AKAP13: variants seen among roughly 807,000 people sequenced by gnomAD.
The protein encoded by AKAP13 is A-kinase anchor protein 13.
AKAP13 carries 80 observed loss-of-function variants against 264.5 expected under a neutral mutation model. The observed-to-expected ratio is 0.30, with a 90% CI of 0.25 to 0.36. AKAP13 has a LOEUF of 0.36. Among genes scored for constraint, AKAP13 ranks in the 10% least tolerant of loss-of-function variants. The pLI, the probability that AKAP13 is intolerant of heterozygous loss-of-function variation, is 1.00. For synonymous variants in AKAP13, 1,380 were observed against 1,250.2 expected (o/e 1.10, Z -2.19); for missense variants, 3,712 against 3,435.2 (o/e 1.08, Z -2.01).
intron 33 of AKAP13, among the ~76,000 whole-genome samples, chr15:85,738,230 T>G (rs1296017375): frequency 6.6e-6 from 1 of 151,722 alleles, no homozygotes; most frequent in Non-Finnish European, 1.5e-5. Flanking sequence ...AAACCCTGTC[T>G]CTACTAAAAA....
chr15:85,425,124 A>G (rs761623769), intron 1 of AKAP13, among the ~76,000 whole-genome samples: 1 of 152,220 alleles, frequency 6.6e-6, no homozygotes, highest in African/African-American at 2.4e-5. Context: ...AGTGAGCCAC[A>G]TGTGTTTTGG....
chr15:85,588,516 T>G (rs1295962034), intron 8 of AKAP13, among the ~76,000 whole-genome samples: 1 of 152,220 alleles, frequency 6.6e-6, no homozygotes, highest in Non-Finnish European at 1.5e-5. Context: ...AGTCATTGAA[T>G]CCAGGCTGGT....
intron 8 of AKAP13, among the ~76,000 whole-genome samples, chr15:85,609,276 C>A (rs1288061329): frequency 1.3e-5 from 2 of 152,214 alleles, no homozygotes; most frequent in Non-Finnish European, 2.9e-5. Flanking sequence ...TTCTCCCCAT[C>A]CTTGTCCCAG....
chr15:85,701,524 C>T (rs980784323), intron 17 of AKAP13, among the ~76,000 whole-genome samples: 6 of 151,860 alleles, frequency 4.0e-5, no homozygotes, highest in Non-Finnish European at 8.8e-5. Context: ...ACTGCAACCT[C>T]CTCCTCCCAG....
intron 8 of AKAP13, among the ~76,000 whole-genome samples, chr15:85,613,207 G>C (rs1022522110): frequency 6.6e-6 from 1 of 152,198 alleles, no homozygotes; most frequent in Admixed American, 6.5e-5. Context: ...CATGAGTAGT[G>C]TCTCATTTCC....
chr15:85,727,426 AAAG>A lies in AKAP13; in HGVS notation c.7053_7055del (p.Lys2352del). 6.2e-7 allele frequency: 1 copy of A among 1,614,246 alleles called. No homozygotes were observed. The highest frequency in any genetic ancestry group is 8.5e-7 in the Non-Finnish European group (1 of 1,180,036). On this transcript the variant is annotated inframe_deletion, in exon 29 of 37. Coordinates refer to ENST00000394518, the MANE Select transcript of AKAP13 (RefSeq NM_007200.5). The surrounding 1 kb of genome is among the most constrained non-coding windows in gnomAD (Gnocchi z 5.3). ...GAATTCCTAGTGAGAATGAGGAAGA[AAAG>A]AAAATGTTGGACACCAGAGCCCGAG...
chr15:85,494,406 A>C (rs1422699788), intron 2 of AKAP13, among the ~76,000 whole-genome samples: 2 of 152,186 alleles, frequency 1.3e-5, no homozygotes, highest in Non-Finnish European at 2.9e-5. Flanking sequence ...GCCAGGCCTG[A>C]AGCTCTGCAA....
intron 1 of AKAP13, among the ~76,000 whole-genome samples, chr15:85,386,182 GTGTTTTTT>G (rs957124688): frequency 5.8e-4 from 89 of 152,160 alleles, no homozygotes; most frequent in African/African-American, 1.7e-3. Context: ...ATGATATCCA[GTGTTTTTT>G]TGTTTTTTTG....
chr15:85,712,356 C>T (rs974501545), intron 19 of AKAP13, among the ~76,000 whole-genome samples: 2 of 152,128 alleles, frequency 1.3e-5, no homozygotes, highest in African/African-American at 4.8e-5. Context: ...AGGTTGATAC[C>T]CACTTTTAGT....
chr15:85,669,094 C>T (rs546762759), intron 13 of AKAP13, among the ~76,000 whole-genome samples: 12 of 148,456 alleles, frequency 8.1e-5, no homozygotes, highest in Admixed American at 3.3e-4. Context: ...AATTTAGCTG[C>T]GCGTGGTGGC....
intron 8 of AKAP13, among the ~76,000 whole-genome samples, chr15:85,602,262 A>G (rs146223904): frequency 0.019 from 2,841 of 151,962 alleles, 93 homozygotes; most frequent in African/African-American, 0.065. Context: ...TGCAACCTCT[A>G]CCACCCAGGT....
In AKAP13 at chr15:85,579,192, G is replaced by A. The variant is rs757003460; in HGVS notation, c.1124G>A (p.Gly375Asp). The A allele has an allele frequency of 6.2e-6, 10 of 1,614,094 alleles. No homozygotes were observed. In the Admixed American group the frequency reaches 8.3e-5, roughly 13 times the overall value. ...TDRSCRKKNK[G>D]VERKGEEVEP... is the part of the protein sequence containing the mutation. Reference sequence around the variant, plus strand: ...CGTTCCTGTAGGAAGAAAAATAAAGGCGTGGAAAGAAAAGGGGAAGAGGTG... The same window carrying A: ...CGTTCCTGTAGGAAGAAAAATAAAGACGTGGAAAGAAAAGGGGAAGAGGTG... The change falls in exon 7 of 37, where the codon GGC (glycine) becomes GAC (aspartate). Residue 375 changes from glycine to aspartate, a missense_variant. By Grantham distance (94) the Gly-to-Asp change is moderately conservative. Transcript: ENST00000394518.
At chr15:85,692,870 G>A (rs338555) in intron 16 of AKAP13, among the ~76,000 whole-genome samples, 92,136 of 151,868 alleles carry the variant, frequency 0.61, 27,996 homozygotes, top group Middle Eastern at 0.69. Context: ...CAGAATTGCT[G>A]CCACCCTTTT....
intron 35 of AKAP13, 145 bp from the exon 36 acceptor site, chr15:85,743,347 T>G: frequency 1.3e-6 from 1 of 764,866 alleles, no homozygotes; most frequent in South Asian, 1.9e-5. Context: ...CTCTATGCAG[T>G]CCACAGACGT....
chr15:85,511,187 G>C (rs1209734234), intron 2 of AKAP13, among the ~76,000 whole-genome samples: 1 of 152,064 alleles, frequency 6.6e-6, no homozygotes, highest in Non-Finnish European at 1.5e-5. Flanking sequence ...TGGCTTTGCT[G>C]ATCCTCTCTT....
intron 16 of AKAP13, among the ~76,000 whole-genome samples, chr15:85,688,995 C>G (rs2085105594): frequency 6.6e-6 from 1 of 152,176 alleles, no homozygotes. Context: ...TGGAATGACC[C>G]TCTTCAAACC....
chr15:85,652,853 C>T (rs114579858), intron 10 of AKAP13, among the ~76,000 whole-genome samples: 125 of 152,282 alleles, frequency 8.2e-4, no homozygotes, highest in African/African-American at 3.0e-3. Flanking sequence ...CTTTTTGTGT[C>T]TCTTCTCCTC....
Position 85,543,890 on chromosome 15 carries a change from A to G in AKAP13, c.597A>G (p.Glu199=), listed in dbSNP as rs781093759. 5 of 1,614,006 alleles carry G rather than the reference A, an allele frequency of 3.1e-6. No homozygotes were observed. The highest frequency in any genetic ancestry group is 1.3e-5 in the African/African-American group (1 of 74,912). ...GRGALSIHNQ[E]GATPVSLALE... ...GAGCTCTCAGTATCCACAACCAGGA[A>G]GGGGCGACGCCTGTGAGCTTGGCCT... Residue 199 remains glutamate, a synonymous_variant, in exon 5 of 37, where the codon GAA becomes GAG. Coordinates refer to ENST00000394518, the MANE Select transcript of AKAP13 (RefSeq NM_007200.5).
intron 1 of AKAP13, among the ~76,000 whole-genome samples, chr15:85,456,550 G>GTTT (rs34952196): frequency 1.1e-4 from 14 of 121,854 alleles, no homozygotes; most frequent in African/African-American, 4.2e-4. Flanking sequence ...CCCACTTTCT[G>GTTT]TTTTTTTTTT....
Sources: gnomAD v4.1 joint callset for allele counts (sites outside exome capture counted in the v4.1 genomes callset) on GRCh38, gnomAD v4.1.1 for gene constraint, Gnocchi (gnomAD v3.1) non-coding constraint, MANE v1.5 for transcripts, NCBI Gene and HGNC (gene_info 2026-07-23, HGNC 2026-07-21) for gene names.